Variants in CSMD1 observed in about 807,000 individuals in gnomAD.
CSMD1 encodes the protein CUB and sushi domain-containing protein 1.
Under a neutral mutation model 417.5 loss-of-function variants are expected in CSMD1, and 213 were observed. The observed-to-expected ratio is 0.51, with a 90% CI of 0.46 to 0.57. The LOEUF (loss-of-function observed/expected upper bound fraction) is 0.57, where lower values mean the gene tolerates loss of function less well. Among genes scored for constraint, CSMD1 ranks in the 20% least tolerant of loss-of-function variants. The pLI is 0.00. For missense variants in CSMD1, 6,923 were observed against 4,529.7 expected (o/e 1.53, Z -15.17); for synonymous variants, 2,862 against 1,736.8 (o/e 1.65, Z -16.11).
At chr8:4,392,665 A>T (rs56311012) in intron 3 of CSMD1, among the ~76,000 whole-genome samples, 32,040 of 140,248 alleles carry the variant, frequency 0.23, 3,820 homozygotes, top group East Asian at 0.35. Context: ...TATTATTATT[A>T]TTTTTTTTTG....
intron 2 of CSMD1, among the ~76,000 whole-genome samples, chr8:4,594,620 T>C (rs1374725227): frequency 1.3e-5 from 2 of 152,168 alleles, no homozygotes; most frequent in East Asian, 1.9e-4. Flanking sequence ...GAAGCAAATA[T>C]GTATTTGAAC....
intron 3 of CSMD1, among the ~76,000 whole-genome samples, chr8:4,042,916 A>C (rs935602067): frequency 4.7e-5 from 7 of 149,000 alleles, no homozygotes; most frequent in Non-Finnish European, 8.9e-5. Flanking sequence ...TTATGAGTTC[A>C]GGAGTTCAAG....
chr8:3,886,636 G>A (rs1277589276), intron 5 of CSMD1, among the ~76,000 whole-genome samples: 1 of 152,140 alleles, frequency 6.6e-6, no homozygotes, highest in Non-Finnish European at 1.5e-5. Context: ...AGTTTGCTGA[G>A]TAGTGAGATG....
chr8:3,602,096 T>C (rs1187543247), intron 8 of CSMD1, among the ~76,000 whole-genome samples: 2 of 152,210 alleles, frequency 1.3e-5, no homozygotes, highest in African/African-American at 4.8e-5. Flanking sequence ...ACCATATGAA[T>C]GTGTTAACAC....
chr8:3,481,011 C>T (rs1037268827), intron 11 of CSMD1, among the ~76,000 whole-genome samples: 85 of 151,610 alleles, frequency 5.6e-4, no homozygotes, highest in African/African-American at 2.0e-3. Flanking sequence ...AAAAAATTAG[C>T]CAGGCGTGGT....
At chr8:3,757,752 G>C (rs1350421525) in intron 5 of CSMD1, among the ~76,000 whole-genome samples, 2 of 151,954 alleles carry the variant, frequency 1.3e-5, no homozygotes, top group Admixed American at 1.3e-4. Flanking sequence ...GGGAGGCTGA[G>C]GCAAGAGAAT....
At chr8:3,125,738 A>T (rs1817471833) in intron 41 of CSMD1, among the ~76,000 whole-genome samples, 1 of 152,226 alleles carries the variant, frequency 6.6e-6, no homozygotes, top group Admixed American at 6.5e-5. Context: ...GCACTTTGGG[A>T]GGCCGAGGTG....
rs7464236 is a variant in CSMD1, at chr8:4,269,016, T to A, written c.415+150937A>T. 6.1e-3 allele frequency among the ~76,000 whole-genome samples: 930 copies of A among 152,316 alleles called. 6 individuals carry two copies. The highest frequency in any genetic ancestry group is 0.017 in the Middle Eastern group (5 of 294). On this transcript the variant is annotated intron_variant, in intron 3 of 69. Transcript: ENST00000635120. Reference sequence around the variant, plus strand: ...TTAATTTCCTGATTGCAAAGTAAAATACACAATGAGGTGCATTTTCCAAGG... The same window carrying A: ...TTAATTTCCTGATTGCAAAGTAAAAAACACAATGAGGTGCATTTTCCAAGG...
In CSMD1 at chr8:3,929,416, T is replaced by C. The variant is rs567328338; in HGVS notation, c.818+68487A>G. On this transcript the variant is annotated intron_variant, in intron 5 of 69. Coordinates refer to ENST00000635120, the MANE Select transcript of CSMD1 (RefSeq NM_033225.6). Reference sequence around the variant, plus strand: ...AAGGGTGACAATGTAATTTCAACCTTCCCCACATGAGAAGTGGGTCCAAAA... The same window carrying C: ...AAGGGTGACAATGTAATTTCAACCTCCCCCACATGAGAAGTGGGTCCAAAA... 2.0e-5 allele frequency among the ~76,000 whole-genome samples: 3 copies of C among 150,342 alleles called. 1 individual carries two copies. Among genetic ancestry groups the C allele is most frequent in the Non-Finnish European group, 4.4e-5 (3 of 67,508 alleles).
intron 3 of CSMD1, among the ~76,000 whole-genome samples, chr8:4,305,346 C>G (rs1284804881): frequency 6.6e-6 from 1 of 152,032 alleles, no homozygotes; most frequent in Non-Finnish European, 1.5e-5. Flanking sequence ...AGAAGTGAGA[C>G]CCGAACTGGA....
At chr8:4,204,137 T>C (rs1489107144) in intron 3 of CSMD1, among the ~76,000 whole-genome samples, 1 of 152,068 alleles carries the variant, frequency 6.6e-6, no homozygotes, top group Non-Finnish European at 1.5e-5. Flanking sequence ...AAAGGATCTG[T>C]CAGTTTTCAA....
intron 1 of CSMD1, among the ~76,000 whole-genome samples, chr8:4,646,761 G>T (rs1439280753): frequency 6.6e-6 from 1 of 152,124 alleles, no homozygotes; most frequent in East Asian, 1.9e-4. Context: ...AAAACCCCTA[G>T]ATCTATGATT....
At chr8:4,117,547 T>A (rs904824667) in intron 3 of CSMD1, among the ~76,000 whole-genome samples, 1 of 152,196 alleles carries the variant, frequency 6.6e-6, no homozygotes, top group Non-Finnish European at 1.5e-5. Flanking sequence ...TACTCACTGA[T>A]TGTGACAGCT....
At chr8:3,223,121 T>C (rs1343860554) in intron 28 of CSMD1, among the ~76,000 whole-genome samples, 2 of 152,226 alleles carry the variant, frequency 1.3e-5, no homozygotes, top group East Asian at 1.9e-4. Flanking sequence ...AATTATCATA[T>C]ACCATATACT....
At chr8:3,622,361 G>A (rs1458278311) in intron 7 of CSMD1, among the ~76,000 whole-genome samples, 1 of 152,156 alleles carries the variant, frequency 6.6e-6, no homozygotes, top group Non-Finnish European at 1.5e-5. Flanking sequence ...CTCTAGCTTG[G>A]TAGTTAATGC....
At chr8:3,442,800 T>A (rs1198139203) in intron 12 of CSMD1, among the ~76,000 whole-genome samples, 1 of 152,136 alleles carries the variant, frequency 6.6e-6, no homozygotes, top group East Asian at 1.9e-4. Flanking sequence ...AATTTTTGTG[T>A]CTATATTTAT....
At chr8:4,784,054 A>G (rs2064220282) in intron 1 of CSMD1, among the ~76,000 whole-genome samples, 2 of 152,222 alleles carry the variant, frequency 1.3e-5, no homozygotes, top group African/African-American at 4.8e-5. Context: ...TGTAAACTTT[A>G]ACATATTTTT....
At position 4,705,921 on chromosome 8, in the gene CSMD1, G is replaced by C. The variant is rs370617717; in HGVS notation, c.86-68363C>G. Among the ~76,000 whole-genome samples, 114 of 152,028 alleles carry C rather than the reference G, an allele frequency of 7.5e-4. 2 individuals carry two copies. The South Asian group carries it at 0.023, about 30-fold the overall frequency. On this transcript the variant is annotated intron_variant, in intron 1 of 69. Coordinates refer to ENST00000635120, the MANE Select transcript of CSMD1 (RefSeq NM_033225.6). ...AATAGTTTAACTAGGTCTATTGTTG[G>C]TGCTGCTTATTTGATAAAGAAATCT... is the stretch of plus-strand genomic sequence containing the variant.
intron 5 of CSMD1, among the ~76,000 whole-genome samples, chr8:3,773,438 C>G (rs2623648): frequency 0.14 from 20,570 of 151,972 alleles, 1,456 homozygotes; most frequent in East Asian, 0.29. Flanking sequence ...AGTCATGCAC[C>G]ACTATGCCTG....
Sources: gnomAD v4.1 joint callset for allele counts (sites outside exome capture counted in the v4.1 genomes callset) on GRCh38, gnomAD v4.1.1 for gene constraint, MANE v1.5 for transcripts, NCBI Gene and HGNC (gene_info 2026-07-23, HGNC 2026-07-21) for gene names.